The following SNX9 variants were observed in gnomAD, a reference collection of about 807,000 sequenced individuals.
SNX9 encodes the protein sorting nexin-9.
SNX9 carries 44 observed loss-of-function variants against 89.4 expected under a neutral mutation model. The observed-to-expected ratio is 0.49, with a 90% CI of 0.39 to 0.63. The LOEUF (loss-of-function observed/expected upper bound fraction) is 0.63. SNX9 is among the 30% of genes least tolerant of loss of function. SNX9 has a pLI of 0.00. For synonymous variants in SNX9, 236 were observed against 247.8 expected (o/e 0.95, Z 0.45); for missense variants, 578 against 736.1 (o/e 0.79, Z 2.49).
chr6:157,825,043 C>T (rs1217404263), intron 1 of SNX9, among the ~76,000 whole-genome samples: 1 of 152,074 alleles, frequency 6.6e-6, no homozygotes, highest in Non-Finnish European at 1.5e-5. Flanking sequence ...AGGTCGGGAG[C>T]TCGAGACAAG....
intron 9 of SNX9, among the ~76,000 whole-genome samples, chr6:157,915,510 G>A (rs1216570344): frequency 6.6e-6 from 1 of 150,826 alleles, no homozygotes; most frequent in Non-Finnish European, 1.5e-5. Context: ...TTCAGGCCAG[G>A]CGCGGTGGCT....
chr6:157,903,188 T>A (rs192849655), intron 6 of SNX9, among the ~76,000 whole-genome samples: 1,817 of 152,334 alleles, frequency 0.012, 42 homozygotes, highest in African/African-American at 0.042. Context: ...AAATTACTAA[T>A]ACTTTTTCCC....
Position 157,875,229 on chromosome 6 carries a change from G to A in SNX9, c.300+53G>A, listed in dbSNP as rs11966404. The A allele has an allele frequency of 9.4e-4, 1,472 of 1,567,484 alleles. 15 individuals are homozygous for A. The African/African-American group carries it at 0.017, about 18-fold the overall frequency. ...TGGCTGGCTTTACGGAAAACAGAGCGTATTTGTGAAGGCTTGTGATGCATT... is the reference window on the plus strand; with the variant it reads ...TGGCTGGCTTTACGGAAAACAGAGCATATTTGTGAAGGCTTGTGATGCATT... On this transcript the variant is annotated intron_variant, in intron 4 of 17. Transcript: ENST00000392185.
chr6:157,937,477 A>G lies in SNX9; in HGVS notation c.1487A>G (p.Tyr496Cys). The change falls in exon 15 of 18, where the codon TAT becomes TGT. Residue 496 changes from tyrosine (Y) to cysteine (C), a missense_variant. By Grantham distance (194) the Tyr-to-Cys change is radical (BLOSUM62 -2). Transcript: ENST00000392185. ...TTCCTGATGGAATGTAATCACGAGT[A>G]TAAAGGTTTTCTTGGCTGCTTCCCT... ...LHFLMECNHE[Y>C]KGFLGCFPDI... is the part of the protein sequence containing the mutation. 1.2e-6 allele frequency: 2 copies of G among 1,614,048 alleles called. No individual in the cohort carries two copies. Among genetic ancestry groups the G allele is most frequent in the Non-Finnish European group, 8.5e-7 (1 of 1,179,930 alleles).
chr6:157,885,894 A>G (rs566741606), intron 4 of SNX9, among the ~76,000 whole-genome samples: 4 of 152,238 alleles, frequency 2.6e-5, no homozygotes, highest in Non-Finnish European at 4.4e-5. Flanking sequence ...GACCACTCAC[A>G]GTATGTTTTG....
intron 7 of SNX9, 141 bp from the exon 8 acceptor site, chr6:157,909,524 T>C: frequency 3.0e-6 from 3 of 985,960 alleles, no homozygotes; most frequent in Non-Finnish European, 4.5e-6. Context: ...CATTGAACCA[T>C]TTATGTACCT....
intron 1 of SNX9, among the ~76,000 whole-genome samples, chr6:157,833,416 A>T (rs1222227083): frequency 6.6e-6 from 1 of 152,210 alleles, no homozygotes; most frequent in African/African-American, 2.4e-5. Context: ...GCTTACACAT[A>T]GTAAGGGCAC....
intron 1 of SNX9, among the ~76,000 whole-genome samples, chr6:157,849,573 A>G (rs1302632810): frequency 6.6e-6 from 1 of 152,248 alleles, no homozygotes; most frequent in Non-Finnish European, 1.5e-5. Flanking sequence ...TTTGAAGTGA[A>G]TGAAAATAAT....
chr6:157,824,226 C>T (rs908657503), intron 1 of SNX9, among the ~76,000 whole-genome samples: 60 of 152,196 alleles, frequency 3.9e-4, no homozygotes, highest in African/African-American at 1.4e-3. Flanking sequence ...TTAGCAGTCA[C>T]TCTTGGCTAC....
At chr6:157,889,430 C>CAAAAAAAAAAAAAAAAAAAA (rs56303673) in intron 4 of SNX9, among the ~76,000 whole-genome samples, 1 of 58,504 alleles carries the variant, frequency 1.7e-5, no homozygotes. Context: ...GACCCTGTCT[C>CAAAAAAAAAAAAAAAAAAAA]AAAAAAAAAA....
rs557792716 is a variant in SNX9, at chr6:157,904,773, G to C, written c.621-1355G>C. ...GTTGCAGGTTAGCCTAATTCATTAA[G>C]CATTCAGTATGCTCCCAAAACTCCT... is the stretch of plus-strand genomic sequence containing the variant. On this transcript the variant is annotated intron_variant, in intron 6 of 17. Transcript: ENST00000392185. 5.9e-5 allele frequency among the ~76,000 whole-genome samples: 9 copies of C among 152,274 alleles called. No individual in the cohort carries two copies. The South Asian group carries it at 1.7e-3, about 28-fold the overall frequency.
At position 157,910,028 on chromosome 6, in the gene SNX9, G is replaced by A. The variant is rs1783305615; in HGVS notation, c.949+3G>A. On this transcript the variant is annotated splice_donor_region_variant and intron_variant, in intron 9 of 17. Coordinates refer to ENST00000392185, the MANE Select transcript of SNX9 (RefSeq NM_016224.5). Reference sequence around the variant, plus strand: ...TCTTCCAGACAAACAAGTCACAGGTGAGTGTGTGTAATGCTAAACCCAGGA... The same window carrying A: ...TCTTCCAGACAAACAAGTCACAGGTAAGTGTGTGTAATGCTAAACCCAGGA... 12 of 1,607,266 alleles carry A rather than the reference G, an allele frequency of 7.5e-6. No homozygotes were observed. The highest frequency in any genetic ancestry group is 1.0e-5 in the Non-Finnish European group (12 of 1,173,824).
chr6:157,842,651 A>T (rs1399028185), intron 1 of SNX9, among the ~76,000 whole-genome samples: 1 of 152,150 alleles, frequency 6.6e-6, no homozygotes, highest in Non-Finnish European at 1.5e-5. Context: ...ATGGAATCTT[A>T]AGGGGTTGAA....
chr6:157,909,598 T>A (rs1783295149), intron 7 of SNX9, 67 bp from the exon 8 acceptor site: 1 of 1,578,758 alleles, frequency 6.3e-7, no homozygotes, highest in African/African-American at 1.4e-5. Flanking sequence ...TACTTGCTGA[T>A]TCACATCAAT....
intron 1 of SNX9, among the ~76,000 whole-genome samples, chr6:157,828,486 T>C (rs556929034): frequency 6.6e-6 from 1 of 152,242 alleles, no homozygotes; most frequent in East Asian, 1.9e-4. Context: ...GTTTTTATGA[T>C]TATGATTATT....
intron 17 of SNX9, among the ~76,000 whole-genome samples, chr6:157,942,000 G>T (rs995241839): frequency 6.6e-6 from 1 of 152,204 alleles, no homozygotes; most frequent in African/African-American, 2.4e-5. Context: ...AGAAAATAAT[G>T]CAAGGGCAAC....
intron 10 of SNX9, among the ~76,000 whole-genome samples, chr6:157,923,702 G>T (rs1423492423): frequency 6.6e-6 from 1 of 152,192 alleles, no homozygotes; most frequent in Non-Finnish European, 1.5e-5. Flanking sequence ...AGAACTCATT[G>T]TGAAGCTAAA....
chr6:157,914,474 T>C (rs1049780120), intron 9 of SNX9, among the ~76,000 whole-genome samples: 1 of 125,872 alleles, frequency 7.9e-6, no homozygotes, highest in Non-Finnish European at 1.7e-5. Flanking sequence ...TTTTTCTTTT[T>C]TTTTTTTTTT....
At chr6:157,888,546 C>T (rs1782784906) in intron 4 of SNX9, among the ~76,000 whole-genome samples, 1 of 152,144 alleles carries the variant, frequency 6.6e-6, no homozygotes, top group Non-Finnish European at 1.5e-5. Flanking sequence ...CACTCTTGTT[C>T]ACTGGGCACC....
Sources: allele counts gnomAD v4.1 joint callset (sites outside exome capture counted in the v4.1 genomes callset), GRCh38; gene constraint gnomAD v4.1.1; transcripts MANE v1.5; gene names NCBI Gene and HGNC (gene_info 2026-07-23, HGNC 2026-07-21).